Variants in SIMC1 observed in about 807,000 individuals in gnomAD.
SIMC1 encodes the protein SUMO-interacting motif-containing protein 1.
In SIMC1, 55 loss-of-function variants were observed where a neutral mutation model predicts 82.3. The observed-to-expected ratio is 0.67, with a 90% CI of 0.54 to 0.84. SIMC1 has a LOEUF of 0.84. SIMC1 is among the 40% of genes least tolerant of loss of function. The probability of loss-of-function intolerance (pLI) is 0.00; values close to 1 mark genes in which losing one functional copy is unlikely to be tolerated. For synonymous variants in SIMC1, 353 were observed against 426.3 expected, an observed-to-expected ratio of 0.83 and a Z score of 2.12; for missense variants, 915 against 1,107.2, an observed-to-expected ratio of 0.83 and a Z score of 2.46.
At chr5:176,308,422 G>A in intron 4 of SIMC1, 1 of 1,607,412 alleles carries the variant, frequency 6.2e-7, no homozygotes, top group East Asian at 2.2e-5. Context: ...GTTGTGGGCT[G>A]GTATCATTCC....
At chr5:176,271,868 TA>T (rs1305831621) in intron 1 of SIMC1, among the ~76,000 whole-genome samples, 2 of 144,500 alleles carry the variant, frequency 1.4e-5, no homozygotes, top group Non-Finnish European at 3.0e-5. Context: ...ATATTATATA[TA>T]ATATATAATT....
chr5:176,277,842 G>A (rs553291655), intron 1 of SIMC1, among the ~76,000 whole-genome samples: 3 of 151,762 alleles, frequency 2.0e-5, no homozygotes, highest in East Asian at 3.9e-4. Context: ...TGCTGTTTTG[G>A]TGACTGTAGC....
intron 7 of SIMC1, among the ~76,000 whole-genome samples, chr5:176,325,092 T>C (rs975927900): frequency 3.3e-5 from 5 of 152,176 alleles, no homozygotes; most frequent in African/African-American, 9.7e-5. Flanking sequence ...AATATTTAAC[T>C]GTTAAGGGTG....
chr5:176,254,177 C>CT (rs1761778551), intron 1 of SIMC1, among the ~76,000 whole-genome samples: 1 of 152,118 alleles, frequency 6.6e-6, no homozygotes, highest in South Asian at 2.1e-4. Flanking sequence ...AGGTCACCCA[C>CT]TAGATGGACT....
chr5:176,302,913 A>G (rs1764103463), intron 4 of SIMC1, among the ~76,000 whole-genome samples: 3 of 152,204 alleles, frequency 2.0e-5, no homozygotes, highest in Admixed American at 6.5e-5. Context: ...ACACCAATAA[A>G]TGGTAAGGCT....
chr5:176,321,097 CA>C (rs1028063847), intron 5 of SIMC1, among the ~76,000 whole-genome samples: 1 of 152,152 alleles, frequency 6.6e-6, no homozygotes, highest in Admixed American at 6.6e-5. Flanking sequence ...GCATGGTCAT[CA>C]TTTCATTTCT....
chr5:176,277,497 G>C (rs1762765733), intron 1 of SIMC1, among the ~76,000 whole-genome samples: 1 of 151,842 alleles, frequency 6.6e-6, no homozygotes, highest in African/African-American at 2.4e-5. Context: ...CATTGCTTTT[G>C]GTGTTTTAGA....
At chr5:176,291,330 ATTTTTTTTTTTTT>A (rs70991527) in intron 2 of SIMC1, among the ~76,000 whole-genome samples, 1 of 71,610 alleles carries the variant, frequency 1.4e-5, no homozygotes, top group Non-Finnish European at 2.6e-5. Flanking sequence ...TGCCCGGCTA[ATTTTTTTTTTTTT>A]TTTTTTTTTT....
In SIMC1 at chr5:176,244,719, C is replaced by CTT. The variant is rs1177032281; in HGVS notation, c.129+6100_129+6101dup. On this transcript the variant is annotated intron_variant, in intron 1 of 9. Coordinates refer to ENST00000429602, the MANE Select transcript of SIMC1 (RefSeq NM_001308195.2). The stretch of plus-strand genomic sequence containing the variant: ...GTTATAATGTTTCTTTTTTTTTTTC[C>CTT]TTTTTTTTTTTTTTTTTTTGAGAGG... Among the ~76,000 whole-genome samples, 260 of 114,464 alleles carry CTT rather than the reference C, an allele frequency of 2.3e-3. 3 individuals carry two copies. Among genetic ancestry groups the CTT allele is most frequent in the Non-Finnish European group, 3.0e-3 (167 of 55,542 alleles). The allele number at this position is 114,464 out of a possible 152,430, so 75.1% of individuals were successfully genotyped here.
chr5:176,332,927 TCCCTC>T (rs1299453650), intron 7 of SIMC1, among the ~76,000 whole-genome samples: 1 of 152,112 alleles, frequency 6.6e-6, no homozygotes, highest in African/African-American at 2.4e-5. Context: ...CACACCCACT[TCCCTC>T]CCATCCCAAC....
chr5:176,331,381 A>AG (rs1417175312), intron 7 of SIMC1, among the ~76,000 whole-genome samples: 2 of 151,736 alleles, frequency 1.3e-5, no homozygotes, highest in Non-Finnish European at 2.9e-5. Flanking sequence ...AAAAAAAAAA[A>AG]AAAAGTCAGT....
Position 176,313,856 on chromosome 5 carries a change from A to T in SIMC1, c.1889+11A>T. The T allele has an allele frequency of 1.2e-6, 2 of 1,613,076 alleles. No individual in the cohort carries two copies. Among genetic ancestry groups the T allele is most frequent in the Non-Finnish European group, 1.7e-6 (2 of 1,179,824 alleles). On this transcript the variant is annotated intron_variant, in intron 5 of 9. Coordinates refer to ENST00000429602, the MANE Select transcript of SIMC1 (RefSeq NM_001308195.2). ...GCCCCACAATGTCAGGTAAGCAGCC[A>T]CCTGAGCCCTCGGATGAGAAGAGGT... is the stretch of plus-strand genomic sequence containing the variant.
chr5:176,328,001 A>G (rs1460854117), intron 7 of SIMC1, among the ~76,000 whole-genome samples: 3 of 152,042 alleles, frequency 2.0e-5, no homozygotes, highest in Non-Finnish European at 2.9e-5. Context: ...TTTGTTAAGG[A>G]TTTTTGCATC....
At chr5:176,259,607 T>C (rs1400753227) in intron 1 of SIMC1, among the ~76,000 whole-genome samples, 2 of 152,166 alleles carry the variant, frequency 1.3e-5, no homozygotes, top group East Asian at 3.8e-4. Flanking sequence ...ACCCTGTCCC[T>C]ACTAAAAATA....
chr5:176,294,785 AC>A lies in SIMC1; in HGVS notation c.1432-242del, dbSNP rs557322360. 1.7e-3 allele frequency among the ~76,000 whole-genome samples: 254 copies of A among 151,278 alleles called. 2 individuals carry two copies. The highest frequency in any genetic ancestry group is 5.8e-3 in the African/African-American group (240 of 41,306). ...AGACCATCCTGGCTAACACCGTGAA[AC>A]CCTGTCTTTACTAAAAATACAAAAG... On this transcript the variant is annotated intron_variant, in intron 2 of 9. Coordinates refer to ENST00000429602, the MANE Select transcript of SIMC1 (RefSeq NM_001308195.2).
intron 1 of SIMC1, among the ~76,000 whole-genome samples, chr5:176,272,199 G>T (rs72825313): frequency 5.3e-5 from 2 of 37,670 alleles, no homozygotes; most frequent in African/African-American, 7.2e-5. Flanking sequence ...AAAAAAAAAA[G>T]GTGGGCATGG....
chr5:176,313,700 C>T lies in SIMC1; in HGVS notation c.1744C>T (p.Leu582=), dbSNP rs1481290791. The change falls in exon 5 of 10, where the codon CTG becomes TTG. Residue 582 remains leucine (L), a synonymous_variant. Coordinates refer to ENST00000429602, the MANE Select transcript of SIMC1 (RefSeq NM_001308195.2). ...TYVMEEEGQT[L]PGRVLFLRYV... ...ATTCTTTTTCCCACAGGGACAAACT[C>T]TGCCTGGGCGAGTCCTTTTCCTGCG... 6.2e-7 allele frequency: 1 copy of T among 1,613,910 alleles called. No homozygotes were observed. The highest frequency in any genetic ancestry group is 1.7e-5 in the Admixed American group (1 of 60,020).
At chr5:176,250,451 G>T (rs1340779798) in intron 1 of SIMC1, among the ~76,000 whole-genome samples, 1 of 152,180 alleles carries the variant, frequency 6.6e-6, no homozygotes, top group Non-Finnish European at 1.5e-5. Context: ...ATTTGGGGTG[G>T]AGAGCTCTGT....
chr5:176,255,265 G>T (rs1231526935), intron 1 of SIMC1, among the ~76,000 whole-genome samples: 1 of 149,686 alleles, frequency 6.7e-6, no homozygotes, highest in East Asian at 2.0e-4. Flanking sequence ...AACCAATAAT[G>T]TTTCAAATAA....
Sources: allele counts gnomAD v4.1 joint callset (sites outside exome capture counted in the v4.1 genomes callset), GRCh38; gene constraint gnomAD v4.1.1; transcripts MANE v1.5; gene names NCBI Gene and HGNC (gene_info 2026-07-23, HGNC 2026-07-21).